Variants in TTC39B observed in about 807,000 individuals in gnomAD.
TTC39B encodes tetratricopeptide repeat protein 39B.
Under a neutral mutation model 96.6 loss-of-function variants are expected in TTC39B, and 92 were observed. The ratio of observed to expected loss-of-function variants is 0.95; its 90% CI spans 0.80 to 1.13. The LOEUF (loss-of-function observed/expected upper bound fraction) is 1.13. TTC39B is among the 50% of genes most tolerant of loss of function. The pLI, the probability that TTC39B is intolerant of heterozygous loss-of-function variation, is 0.00. For synonymous variants in TTC39B, 367 were observed against 299.4 expected, an observed-to-expected ratio of 1.23 and a Z score of -2.33; for missense variants, 955 against 809.3, an observed-to-expected ratio of 1.18 and a Z score of -2.18.
intron 1 of TTC39B, among the ~76,000 whole-genome samples, chr9:15,270,212 T>C (rs140020164): frequency 6.6e-6 from 1 of 151,916 alleles, no homozygotes; most frequent in Non-Finnish European, 1.5e-5. Context: ...AGAACTGAGT[T>C]TGAGTTTGGG....
chr9:15,225,976 G>C, exon 3 of TTC39B: 1 of 1,614,028 alleles, frequency 6.2e-7, no homozygotes. Flanking sequence ...ATGATGCAAA[G>C]TGAAGGCTGC....
chr9:15,275,878 C>T (rs1022893804), intron 1 of TTC39B, among the ~76,000 whole-genome samples: 1 of 132,212 alleles, frequency 7.6e-6, no homozygotes, highest in Non-Finnish European at 1.7e-5. Flanking sequence ...AATAAAGCAG[C>T]CTAAAAGTGA....
At chr9:15,282,434 T>C (rs1414012479) in intron 1 of TTC39B, among the ~76,000 whole-genome samples, 2 of 152,230 alleles carry the variant, frequency 1.3e-5, no homozygotes, top group Non-Finnish European at 1.5e-5. Context: ...AATGGGTGCA[T>C]ACATTTATAA....
intron 2 of TTC39B, chr9:15,250,089 ACT>A: frequency 7.8e-7 from 1 of 1,274,180 alleles, no homozygotes. Context: ...CTCCAGTGAG[ACT>A]CTCAATTCTC....
intron 19 of TTC39B, 54 bp from the exon 20 acceptor site, chr9:15,172,163 A>C: frequency 8.2e-7 from 1 of 1,214,314 alleles, no homozygotes. Flanking sequence ...TATACCAGGT[A>C]CCACCACTCT....
chr9:15,217,663 C>G (rs903364532), intron 3 of TTC39B, among the ~76,000 whole-genome samples: 1 of 152,160 alleles, frequency 6.6e-6, no homozygotes. Flanking sequence ...CACTTCAGAT[C>G]TGAATTCTGA....
At chr9:15,187,009 T>C (rs1818565514) in exon 15 of TTC39B, 2 of 1,613,198 alleles carry the variant, frequency 1.2e-6, no homozygotes, top group South Asian at 2.2e-5. Flanking sequence ...TACTCAAAAT[T>C]GCTGCTTTCA....
intron 2 of TTC39B, among the ~76,000 whole-genome samples, chr9:15,240,885 A>T (rs1274903045): frequency 6.6e-6 from 1 of 152,190 alleles, no homozygotes; most frequent in African/African-American, 2.4e-5. Flanking sequence ...ATGCTTCAAT[A>T]GGTCTACTAT....
intron 3 of TTC39B, among the ~76,000 whole-genome samples, chr9:15,218,808 G>T (rs1196607098): frequency 6.6e-6 from 1 of 152,008 alleles, no homozygotes; most frequent in Non-Finnish European, 1.5e-5. Context: ...TTCATTTCCT[G>T]ACTCCCTTTT....
chr9:15,220,582 G>A (rs1432911594), intron 3 of TTC39B, among the ~76,000 whole-genome samples: 1 of 152,042 alleles, frequency 6.6e-6, no homozygotes. Flanking sequence ...AATACATAAT[G>A]CAATAAAAGG....
At chr9:15,288,224 G>C (rs1328582889) in intron 1 of TTC39B, among the ~76,000 whole-genome samples, 1 of 152,108 alleles carries the variant, frequency 6.6e-6, no homozygotes, top group Non-Finnish European at 1.5e-5. Flanking sequence ...GGATAGAAGA[G>C]AGCAGTTCCC....
intron 2 of TTC39B, among the ~76,000 whole-genome samples, chr9:15,237,612 ATAAG>A (rs1390732458): frequency 6.6e-6 from 1 of 151,660 alleles, no homozygotes; most frequent in Non-Finnish European, 1.5e-5. Context: ...CAGACCAATA[ATAAG>A]TAAGTAATGA....
chr9:15,251,820 T>C (rs886450034), intron 2 of TTC39B, among the ~76,000 whole-genome samples: 3 of 150,880 alleles, frequency 2.0e-5, no homozygotes, highest in African/African-American at 4.9e-5. Flanking sequence ...AGAATTGTTA[T>C]GATTATTTAC....
intron 2 of TTC39B, among the ~76,000 whole-genome samples, chr9:15,229,659 G>C (rs1037427632): frequency 6.6e-6 from 1 of 152,046 alleles, no homozygotes; most frequent in African/African-American, 2.4e-5. Flanking sequence ...TGACATACTG[G>C]ATTATTCTGC....
At chr9:15,177,869 C>CT (rs371656816) in intron 17 of TTC39B, 55 bp from the exon 18 acceptor site, 49,705 of 464,780 alleles carry the variant, frequency 0.11, 618 homozygotes, top group South Asian at 0.12. Context: ...TTTTTAAGAT[C>CT]TTTTTTTTTT....
At chr9:15,295,978 C>T (rs2131611254) in intron 1 of TTC39B, among the ~76,000 whole-genome samples, 1 of 152,292 alleles carries the variant, frequency 6.6e-6, no homozygotes, top group East Asian at 1.9e-4. Context: ...CCTCATCTGT[C>T]TTGTCTACCT....
rs1818805687 is a variant in TTC39B at position 15,190,675 on chromosome 9, A to C, written c.997-13T>G. ...GGAGGCCCAACTCCTATGGGAATTA[A>C]ATGCATTTTTAGAAAGAGAACAAGA... On this transcript the variant is annotated splice_polypyrimidine_tract_variant and intron_variant, in intron 10 of 19. Transcript: ENST00000512701. 1 of 1,604,272 alleles carries C rather than the reference A, an allele frequency of 6.2e-7. No homozygotes were observed. Among genetic ancestry groups the C allele is most frequent in the African/African-American group, 1.3e-5 (1 of 74,328 alleles).
chr9:15,228,210 T>C (rs1821231974), intron 2 of TTC39B, among the ~76,000 whole-genome samples: 1 of 152,150 alleles, frequency 6.6e-6, no homozygotes, highest in African/African-American at 2.4e-5. Context: ...ATGCCTGTAA[T>C]CCCAGCACTT....
chr9:15,187,866 A>G (rs1818621404), intron 14 of TTC39B, 105 bp downstream of exon 14: 2 of 1,217,312 alleles, frequency 1.6e-6, no homozygotes, highest in Non-Finnish European at 2.2e-6. Context: ...CTCTAAGTTG[A>G]GAAAACACTG....
Sources: gnomAD v4.1 joint callset for allele counts (sites outside exome capture counted in the v4.1 genomes callset) on GRCh38, gnomAD v4.1.1 for gene constraint, MANE v1.5 for transcripts, NCBI Gene and HGNC (gene_info 2026-07-23, HGNC 2026-07-21) for gene names.